Variants in CTNNA2 observed in about 807,000 individuals in gnomAD.
CTNNA2 encodes the protein catenin alpha 2, also known as catenin alpha-2.
In CTNNA2, 42 loss-of-function variants were observed where a neutral mutation model predicts 101.0. The observed-to-expected ratio is 0.42, with a 90% CI of 0.32 to 0.54. The LOEUF (loss-of-function observed/expected upper bound fraction) is 0.54. Among genes scored for constraint, CTNNA2 ranks in the 20% least tolerant of loss-of-function variants. The probability of loss-of-function intolerance (pLI) is 0.14; values close to 1 mark genes in which losing one functional copy is unlikely to be tolerated. For synonymous variants in CTNNA2, 450 were observed against 456.4 expected, an observed-to-expected ratio of 0.99 and a Z score of 0.18; for missense variants, 871 against 1,223.1, an observed-to-expected ratio of 0.71 and a Z score of 4.29.
chr2:79,756,967 C>T (rs1462055436), intron 3 of CTNNA2, among the ~76,000 whole-genome samples: 1 of 152,128 alleles, frequency 6.6e-6, no homozygotes, highest in Non-Finnish European at 1.5e-5. Flanking sequence ...CATTCAGATG[C>T]AATATGATAT....
chr2:80,334,260 A>C (rs2149267847), intron 7 of CTNNA2, among the ~76,000 whole-genome samples: 1 of 152,260 alleles, frequency 6.6e-6, no homozygotes, highest in South Asian at 2.1e-4. Flanking sequence ...ATTCACATAT[A>C]ATCATGCTAC....
At chr2:80,230,602 A>G (rs1399792221) in intron 7 of CTNNA2, among the ~76,000 whole-genome samples, 1 of 152,158 alleles carries the variant, frequency 6.6e-6, no homozygotes, top group Non-Finnish European at 1.5e-5. Context: ...TTTCTGGGCC[A>G]TGATGAAAAG....
intron 9 of CTNNA2, among the ~76,000 whole-genome samples, chr2:80,481,289 C>G (rs1315200588): frequency 6.6e-6 from 1 of 152,046 alleles, no homozygotes; most frequent in Non-Finnish European, 1.5e-5. Flanking sequence ...ACAAATATGT[C>G]TGTTCTCATT....
chr2:79,811,086 C>A (rs2105338250), intron 3 of CTNNA2, among the ~76,000 whole-genome samples: 1 of 150,654 alleles, frequency 6.6e-6, no homozygotes, highest in East Asian at 1.9e-4. Context: ...AGTTCTAGAT[C>A]CCTGAGGGAT....
intron 7 of CTNNA2, among the ~76,000 whole-genome samples, chr2:80,001,130 G>T (rs1263602474): frequency 6.6e-6 from 1 of 152,008 alleles, no homozygotes; most frequent in Non-Finnish European, 1.5e-5. Flanking sequence ...TTGTATATTT[G>T]TTTATGTGTG....
At chr2:80,312,890 T>C (rs866538470) in intron 7 of CTNNA2, among the ~76,000 whole-genome samples, 44 of 152,318 alleles carry the variant, frequency 2.9e-4, no homozygotes, top group African/African-American at 1.1e-3. Context: ...TATAGAGACA[T>C]GAGAATTGCC....
At chr2:80,372,536 G>A (rs1675542598) in intron 7 of CTNNA2, among the ~76,000 whole-genome samples, 1 of 151,896 alleles carries the variant, frequency 6.6e-6, no homozygotes, top group Non-Finnish European at 1.5e-5. Context: ...ATGTTCATTG[G>A]TGTCTTTGAG....
chr2:80,056,841 G>A (rs1697245374), intron 7 of CTNNA2, among the ~76,000 whole-genome samples: 1 of 152,114 alleles, frequency 6.6e-6, no homozygotes, highest in Non-Finnish European at 1.5e-5. Context: ...GTTGATCCTG[G>A]AACTTCACCA....
intron 3 of CTNNA2, among the ~76,000 whole-genome samples, chr2:79,364,759 A>G (rs1677707388): frequency 6.6e-6 from 1 of 152,222 alleles, no homozygotes; most frequent in Non-Finnish European, 1.5e-5. Context: ...TGTCAAAAGT[A>G]GATTTCTCAT....
chr2:80,592,335 G>A (rs964579776), intron 15 of CTNNA2, among the ~76,000 whole-genome samples: 1 of 152,156 alleles, frequency 6.6e-6, no homozygotes, highest in Non-Finnish European at 1.5e-5. Context: ...TCTGCTCAGT[G>A]AAGGGCAACC....
intron 6 of CTNNA2, among the ~76,000 whole-genome samples, chr2:79,885,922 A>G (rs969059256): frequency 6.6e-6 from 1 of 152,244 alleles, no homozygotes; most frequent in African/African-American, 2.4e-5. Flanking sequence ...TACTAAGCCC[A>G]TCTCTAGGCC....
chr2:80,455,058 C>G (rs1683848201), intron 9 of CTNNA2, among the ~76,000 whole-genome samples: 1 of 152,256 alleles, frequency 6.6e-6, no homozygotes, highest in Non-Finnish European at 1.5e-5. Context: ...GACCAAAAGA[C>G]AAGTCCCTTT....
chr2:80,436,703 T>C (rs1331861282), intron 9 of CTNNA2, among the ~76,000 whole-genome samples: 1 of 152,098 alleles, frequency 6.6e-6, no homozygotes, highest in Non-Finnish European at 1.5e-5. Context: ...GAGGGCTTGC[T>C]CTCTGCTTCA....
At chr2:80,520,071 C>A (rs1402479354) in intron 9 of CTNNA2, among the ~76,000 whole-genome samples, 1 of 152,078 alleles carries the variant, frequency 6.6e-6, no homozygotes, top group Non-Finnish European at 1.5e-5. Context: ...CTGTGTTTCC[C>A]TGATTTCCTC....
At chr2:80,227,022 G>C (rs148038975) in intron 7 of CTNNA2, among the ~76,000 whole-genome samples, 37 of 152,314 alleles carry the variant, frequency 2.4e-4, no homozygotes, top group Non-Finnish European at 4.9e-4. Context: ...GATATATCAT[G>C]TAGCAAATTC....
At chr2:79,957,880 T>G in intron 7 of CTNNA2, among the ~76,000 whole-genome samples, 1 of 152,240 alleles carries the variant, frequency 6.6e-6, no homozygotes, top group Non-Finnish European at 1.5e-5. Context: ...ATCTTAAACT[T>G]GCTTGTACAT....
chr2:80,632,769 A>G (rs1387634061), intron 18 of CTNNA2, among the ~76,000 whole-genome samples: 3 of 152,144 alleles, frequency 2.0e-5, no homozygotes. Flanking sequence ...ATCCCAAAAG[A>G]ACTTCCCAAA....
rs545101874 is a variant in CTNNA2 at position 79,619,052 on chromosome 2, G to A, written c.-5-32500G>A. On this transcript the variant is annotated intron_variant, in intron 1 of 18. Coordinates refer to ENST00000402739, the MANE Select transcript of CTNNA2 (RefSeq NM_001282597.3). ...GAAACCCAGTCTCTCCAAAAAATAC[G>A]AAAATTAGCTGGGCGTGGTGGCGGG... is the stretch of plus-strand genomic sequence containing the variant. 3.3e-5 allele frequency among the ~76,000 whole-genome samples: 5 copies of A among 152,166 alleles called. No individual in the cohort carries two copies. The South Asian group carries it at 8.3e-4, about 25-fold the overall frequency.
chr2:80,543,097 A>C (rs906504644), intron 9 of CTNNA2, among the ~76,000 whole-genome samples: 1 of 152,244 alleles, frequency 6.6e-6, no homozygotes, highest in Non-Finnish European at 1.5e-5. Flanking sequence ...AAGTTACACT[A>C]AGTTTACAAG....
Sources: allele counts gnomAD v4.1 joint callset (sites outside exome capture counted in the v4.1 genomes callset), GRCh38; gene constraint gnomAD v4.1.1; transcripts MANE v1.5; gene names NCBI Gene and HGNC (gene_info 2026-07-23, HGNC 2026-07-21).